The following JAKMIP3 variants were observed in gnomAD, a reference collection of about 807,000 sequenced individuals.
JAKMIP3 encodes the protein janus kinase and microtubule-interacting protein 3.
Under a neutral mutation model 118.5 loss-of-function variants are expected in JAKMIP3, and 58 were observed. That is an observed-to-expected ratio of 0.49 (90% CI 0.40 to 0.61). The LOEUF (loss-of-function observed/expected upper bound fraction) is 0.61, where lower values mean the gene tolerates loss of function less well. Among genes scored for constraint, JAKMIP3 ranks in the 20% least tolerant of loss-of-function variants. The probability of loss-of-function intolerance (pLI) is 0.00; values close to 1 mark genes in which losing one functional copy is unlikely to be tolerated. For synonymous variants in JAKMIP3, 486 were observed against 451.2 expected (o/e 1.08, Z -0.98); for missense variants, 950 against 1,109.0 (o/e 0.86, Z 2.04).
chr10:132,144,964 G>A (rs1018183908), intron 11 of JAKMIP3, 143 bp from the exon 12 acceptor site: 3 of 652,442 alleles, frequency 4.6e-6, no homozygotes, highest in African/African-American at 3.7e-5. Context: ...CTCTTAGAAA[G>A]CATCTCTTCC....
chr10:132,181,500 C>T (rs1290604087), intron 23 of JAKMIP3: 1 of 152,120 alleles, frequency 6.6e-6, no homozygotes, highest in Non-Finnish European at 1.5e-5. Context: ...ACTGGCAGGT[C>T]CCCTTCCTCC....
chr10:132,061,241 GGC>G (rs79140075), upstream of JAKMIP3, among the ~76,000 whole-genome samples: 3 of 31,976 alleles, frequency 9.4e-5, no homozygotes, highest in Admixed American at 4.9e-4. Context: ...CTGCCGTGAC[GGC>G]GCACACACAC....
chr10:132,078,622 G>C (rs932808585), intron 1 of JAKMIP3, among the ~76,000 whole-genome samples: 3 of 43,754 alleles, frequency 6.9e-5, no homozygotes, highest in South Asian at 2.8e-3. Flanking sequence ...CTGGGGGCGG[G>C]GGGGGGGGGG....
intron 19 of JAKMIP3, among the ~76,000 whole-genome samples, chr10:132,157,034 T>G (rs911909536): frequency 1.3e-5 from 2 of 152,112 alleles, no homozygotes; most frequent in African/African-American, 2.4e-5. Flanking sequence ...GGGATACACA[T>G]AGTATCTTTG....
intron 1 of JAKMIP3, among the ~76,000 whole-genome samples, chr10:132,052,840 T>A (rs1203806195): frequency 6.6e-6 from 1 of 152,122 alleles, no homozygotes; most frequent in African/African-American, 2.4e-5. Context: ...TGGTGGGGAG[T>A]AAGGGTATGT....
intron 1 of JAKMIP3, among the ~76,000 whole-genome samples, chr10:132,052,936 G>C (rs1190448541): frequency 6.6e-6 from 1 of 152,212 alleles, no homozygotes; most frequent in Non-Finnish European, 1.5e-5. Context: ...ATTGTTTTGT[G>C]AACTGTATTT....
chr10:132,130,540 G>A (rs1232444049), intron 3 of JAKMIP3, among the ~76,000 whole-genome samples: 1 of 152,238 alleles, frequency 6.6e-6, no homozygotes, highest in Non-Finnish European at 1.5e-5. Flanking sequence ...AGACGTGAGG[G>A]CTCCCTGCAC....
At chr10:132,139,255 T>TGG (rs3077809) in intron 9 of JAKMIP3, among the ~76,000 whole-genome samples, 1 of 145,074 alleles carries the variant, frequency 6.9e-6, no homozygotes, top group Non-Finnish European at 1.5e-5. Flanking sequence ...TGTGTATGTG[T>TGG]GTGTGTGTAT....
At chr10:132,036,982 T>G (rs1475842444) in intron 1 of JAKMIP3, among the ~76,000 whole-genome samples, 1 of 151,864 alleles carries the variant, frequency 6.6e-6, no homozygotes, top group Non-Finnish European at 1.5e-5. Context: ...GCCTCGGCGC[T>G]GGCGTGACGC....
chr10:132,150,949 C>CATCT (rs368646901), intron 16 of JAKMIP3, among the ~76,000 whole-genome samples: 1 of 152,104 alleles, frequency 6.6e-6, no homozygotes, highest in South Asian at 2.1e-4. Flanking sequence ...ATCCATCCTC[C>CATCT]ATCTATCTAT....
In JAKMIP3 at chr10:132,091,264, G is replaced by T. The variant is rs572157750; in HGVS notation, c.-137-13408G>T. ...GAAGAATGTATATTCTGTTGATTTG[G>T]GGTGGAGAGTTCTGTAGATGTCTAT... On this transcript the variant is annotated intron_variant, in intron 1 of 23. Coordinates refer to ENST00000684848, the MANE Select transcript of JAKMIP3 (RefSeq NM_001323087.2). Among the ~76,000 whole-genome samples the T allele has an allele frequency of 2.4e-3, 370 of 152,312 alleles. 1 individual carries two copies. The highest frequency in any genetic ancestry group is 0.021 in the South Asian group (100 of 4,820).
chr10:132,078,055 G>A (rs1390066571), intron 1 of JAKMIP3, among the ~76,000 whole-genome samples: 5 of 152,154 alleles, frequency 3.3e-5, no homozygotes, highest in African/African-American at 4.8e-5. Flanking sequence ...CAGGTGATCC[G>A]CACGTCTTGG....
rs1331882918 is a variant in JAKMIP3 at position 132,180,736 on chromosome 10, T to TGTGTGCGC, written c.*1104-1620_*1104-1619insTGTGCGCG. Among the ~76,000 whole-genome samples, 7 of 11,326 alleles carry TGTGTGCGC rather than the reference T, an allele frequency of 6.2e-4. 1 individual carries two copies. In the East Asian group the frequency reaches 0.014, roughly 22 times the overall value. 7.4% of individuals were successfully genotyped at this position (11,326 alleles called of 152,430 possible). A position where few individuals can be genotyped will look rare whatever the true frequency, so the allele number is the denominator to read the frequency against. On this transcript the variant is annotated intron_variant, in intron 23 of 23. Coordinates refer to ENST00000684848, the MANE Select transcript of JAKMIP3 (RefSeq NM_001323087.2). ...GTGTGTGTGCGTGTGTGTGCGTGTG[T>TGTGTGCGC]GCGTGCGTGCGCGCGCGTGTGTGCG... is the stretch of plus-strand genomic sequence containing the variant.
At chr10:132,147,413 G>A (rs983376993) in intron 13 of JAKMIP3, among the ~76,000 whole-genome samples, 11 of 152,352 alleles carry the variant, frequency 7.2e-5, no homozygotes, top group East Asian at 1.9e-4. Context: ...CGGTTTACTC[G>A]TAACTGGTTC....
intron 5 of JAKMIP3, among the ~76,000 whole-genome samples, chr10:132,135,383 G>A (rs1022303368): frequency 3.9e-5 from 6 of 152,216 alleles, no homozygotes; most frequent in South Asian, 2.1e-4. Context: ...CCTGCTCTGC[G>A]TTAGTGGGGG....
rs1160021570 is a variant in JAKMIP3, at chr10:132,139,170, GTGTA to G, written c.1344+996_1344+999del. Among the ~76,000 whole-genome samples, 162 of 118,642 alleles carry G rather than the reference GTGTA, an allele frequency of 1.4e-3. 3 individuals are homozygous for G. Among genetic ancestry groups the G allele is most frequent in the African/African-American group, 5.9e-3 (153 of 26,132 alleles). The allele number at this position is 118,642 out of a possible 152,430, so 77.8% of individuals were successfully genotyped here. On this transcript the variant is annotated intron_variant, in intron 9 of 23. Coordinates refer to ENST00000684848, the MANE Select transcript of JAKMIP3 (RefSeq NM_001323087.2). Reference sequence around the variant, plus strand: ...TGAGTATGAGTGTGTATGTACATGTGTGTATGTGTCTGTGTATGTGTGTGTATGA... The same window carrying G: ...TGAGTATGAGTGTGTATGTACATGTGTGTGTCTGTGTATGTGTGTGTATGA...
In JAKMIP3 at chr10:132,135,121, G is replaced by T. The variant is rs773128579; in HGVS notation, c.930G>T (p.Glu310Asp). 20 of 1,613,098 alleles carry T rather than the reference G, an allele frequency of 1.2e-5. No individual in the cohort carries two copies. The highest frequency in any genetic ancestry group is 1.7e-5 in the Non-Finnish European group (20 of 1,179,332). Residue 310 changes from glutamate (E) to aspartate (D), a missense_variant, in exon 5 of 24, where the codon GAG (glutamate) becomes GAT (aspartate). Glu to Asp is a conservative substitution (Grantham distance 45, BLOSUM62 2). Coordinates refer to ENST00000684848, the MANE Select transcript of JAKMIP3 (RefSeq NM_001323087.2). ...TAAGTGCGATTATCCGCAAACTGGA[G>T]GACCGCAATGCATTGCTGTCGGAAG... ...AELSAIIRKL[E>D]DRNALLSEER...
chr10:132,061,189 ACGGCGCACACACACACCTGCCG>A (rs1400176403), upstream of JAKMIP3, among the ~76,000 whole-genome samples: 16 of 115,832 alleles, frequency 1.4e-4, no homozygotes, highest in Non-Finnish European at 3.1e-4. Context: ...ACCTGCCGTG[ACGGCGCACACACACACCTGCCG>A]TGACGGCGCA....
chr10:132,139,236 G>A (rs2052681550), intron 9 of JAKMIP3, among the ~76,000 whole-genome samples: 1 of 137,554 alleles, frequency 7.3e-6, no homozygotes, highest in African/African-American at 2.9e-5. Flanking sequence ...GAGTGTATAT[G>A]CATCTGTGTG....
Sources: allele counts gnomAD v4.1 joint callset (sites outside exome capture counted in the v4.1 genomes callset), GRCh38; gene constraint gnomAD v4.1.1; transcripts MANE v1.5; gene names NCBI Gene and HGNC (gene_info 2026-07-23, HGNC 2026-07-21).